Variants in ALDH3B1 observed in about 807,000 individuals in gnomAD.
ALDH3B1 encodes aldehyde dehydrogenase family 3 member B1.
A neutral mutation model predicts 46.2 loss-of-function variants in ALDH3B1; 37 were observed. That is an observed-to-expected ratio of 0.80 (90% confidence interval 0.62 to 1.05). The LOEUF (loss-of-function observed/expected upper bound fraction) is 1.05, where lower values mean the gene tolerates loss of function less well. Ranked by LOEUF, ALDH3B1 falls within the 50% of genes least tolerant of loss-of-function variation. The probability of loss-of-function intolerance (pLI) is 0.00; values close to 1 mark genes in which losing one functional copy is unlikely to be tolerated. For synonymous variants in ALDH3B1, 283 were observed against 281.0 expected, an observed-to-expected ratio of 1.01 and a Z score of -0.07; for missense variants, 603 against 665.5, an observed-to-expected ratio of 0.91 and a Z score of 1.03.
rs373528981 is a variant in ALDH3B1, at chr11:68,027,864, G to A, written c.1332G>A (p.Pro444=). The stretch of plus-strand genomic sequence containing the variant: ...AGAAGCTCAACGCCCTCCGCTACCC[G>A]CCGCAATCGCCGCGCCGCCTGAGGA... The part of the protein sequence containing the change: ...GMEKLNALRY[P]PQSPRRLRML... Residue 444 remains proline, a synonymous_variant, in exon 10 of 10, where the codon CCG becomes CCA. Coordinates refer to ENST00000342456, the MANE Select transcript of ALDH3B1 (RefSeq NM_000694.4). 6.4e-6 allele frequency: 10 copies of A among 1,560,480 alleles called. No homozygotes were observed. Among genetic ancestry groups the A allele is most frequent in the East Asian group, 2.4e-5 (1 of 41,738 alleles).
chr11:68,024,855 G>A (rs755216689), intron 8 of ALDH3B1: 2 of 152,206 alleles, frequency 1.3e-5, no homozygotes, highest in South Asian at 2.1e-4. Context: ...TCCAGGGGCT[G>A]TAATCCAAGG....
rs1857500427 is a variant in ALDH3B1, at chr11:68,021,684, T to A, written c.762T>A (p.Pro254=). ...CCCCCGACTACGTCCTATGCAGCCC[T>A]GAGATGCAGGAGAGGCTGCTGCCTG... ...CVAPDYVLCS[P]EMQERLLPAL... Residue 254 remains proline (P), a synonymous_variant, in exon 7 of 10, where the codon CCT becomes CCA. Coordinates refer to ENST00000342456, the MANE Select transcript of ALDH3B1 (RefSeq NM_000694.4). The A allele has an allele frequency of 6.2e-7, 1 of 1,613,686 alleles. No homozygotes were observed. The highest frequency in any genetic ancestry group is 1.7e-5 in the Admixed American group (1 of 59,962).
rs763868385 is a variant in ALDH3B1, at chr11:68,022,632, T to G, written c.987T>G (p.Pro329=). Residue 329 remains proline, a synonymous_variant, in exon 8 of 10, where the codon CCT becomes CCG. Coordinates refer to ENST00000342456, the MANE Select transcript of ALDH3B1 (RefSeq NM_000694.4). ...TGGTGGATGTGCAGGAGATGGAGCC[T>G]GTGATGCAGGAGGAGATCTTCGGGC... The part of the protein sequence containing the change: ...TVLVDVQEME[P]VMQEEIFGPI... The G allele has an allele frequency of 1.2e-5, 20 of 1,613,998 alleles. No individual in the cohort carries two copies. The highest frequency in any genetic ancestry group is 1.6e-5 in the Non-Finnish European group (19 of 1,179,994).
In ALDH3B1 at chr11:68,018,466, C is replaced by T. The variant is rs1857402308; in HGVS notation, c.163-61C>T. 4.6e-6 allele frequency: 6 copies of T among 1,290,556 alleles called. No homozygotes were observed. In the East Asian group the frequency reaches 1.5e-4, roughly 33 times the overall value. The allele number at this position is 1,290,556 out of a possible 1,614,324, so 79.9% of individuals were successfully genotyped here. A position where few individuals can be genotyped will look rare whatever the true frequency, so the allele number is the denominator to read the frequency against. On this transcript the variant is annotated intron_variant, in intron 2 of 9. Transcript: ENST00000342456. ...GGAAGCAGGCCCTGCCTGGAGGAGGCTGTGCCCTCCTGCCAACTCTGGGAA... is the reference window on the plus strand; with the variant it reads ...GGAAGCAGGCCCTGCCTGGAGGAGGTTGTGCCCTCCTGCCAACTCTGGGAA...
intron 1 of ALDH3B1, among the ~76,000 whole-genome samples, chr11:68,012,754 T>G (rs1857259953): frequency 6.6e-6 from 1 of 151,916 alleles, no homozygotes; most frequent in African/African-American, 2.4e-5. Flanking sequence ...CCAGTGTCCC[T>G]TCCCCCAAGG....
rs772355418 is a variant in ALDH3B1, at chr11:68,019,194, C to T, written c.419C>T (p.Ser140Leu). 10 of 1,613,298 alleles carry T rather than the reference C, an allele frequency of 6.2e-6. No homozygotes were observed. The highest frequency in any genetic ancestry group is 2.2e-5 in the South Asian group (2 of 90,866). The change falls in exon 5 of 10, where the codon TCG becomes TTG. Residue 140 changes from serine to leucine, a missense_variant. Physicochemically the swap from Ser to Leu is moderately radical, Grantham distance 145. Transcript: ENST00000342456. Reference protein sequence around the residue: ...AAGNCVVLKPSEISKNVEKIL... With the variant: ...AAGNCVVLKPLEISKNVEKIL... The stretch of plus-strand genomic sequence containing the variant: ...GGGAACTGTGTGGTGCTGAAGCCAT[C>T]GGAGATTAGCAAGAACGTCGAGAAG...
At position 68,026,093 on chromosome 11, in the gene ALDH3B1, C is replaced by T. The variant is rs1460708960; in HGVS notation, c.1201C>T (p.Pro401Ser). ...CATGCACATGACCCTGGCCAGCCTG[C>T]CTTTTGGAGGAGTGGGTAGGTGCCT... ...GFMHMTLASL[P>S]FGGVGASGMG... Residue 401 changes from proline (P) to serine (S), a missense_variant, in exon 9 of 10, where the codon CCT becomes TCT. Physicochemically the swap from Pro to Ser is moderately conservative, Grantham distance 74. Transcript: ENST00000342456. The T allele has an allele frequency of 1.2e-6, 2 of 1,604,444 alleles. No individual in the cohort carries two copies. The highest frequency in any genetic ancestry group is 1.7e-6 in the Non-Finnish European group (2 of 1,175,584).
At position 68,015,322 on chromosome 11, in the gene ALDH3B1, C is replaced by G. The variant is rs147445707; in HGVS notation, c.25C>G (p.Arg9Gly). MDPLGDTL[R>G]RLREAFHAGR... ...GATGGACCCCCTTGGGGACACGCTG[C>G]GGCGACTGCGGGAGGCCTTCCACGC... is the stretch of plus-strand genomic sequence containing the variant. Residue 9 changes from arginine (R) to glycine (G), a missense_variant, in exon 2 of 10, where the codon CGG becomes GGG. Physicochemically the swap from Arg to Gly is moderately radical, Grantham distance 125. Coordinates refer to ENST00000342456, the MANE Select transcript of ALDH3B1 (RefSeq NM_000694.4). 6.6e-7 allele frequency: 1 copy of G among 1,512,062 alleles called. No individual in the cohort carries two copies. Among genetic ancestry groups the G allele is most frequent in the South Asian group, 1.3e-5 (1 of 78,154 alleles). The allele number at this position is 1,512,062 out of a possible 1,614,324, so 93.7% of individuals were successfully genotyped here.
At chr11:68,026,521 C>T (rs573953875) in intron 9 of ALDH3B1, among the ~76,000 whole-genome samples, 1 of 152,220 alleles carries the variant, frequency 6.6e-6, no homozygotes, top group East Asian at 1.9e-4. Flanking sequence ...CCCATCCCCC[C>T]TCCAGCTCTC....
chr11:68,013,153 G>A (rs1033978541), intron 1 of ALDH3B1, among the ~76,000 whole-genome samples: 16 of 152,120 alleles, frequency 1.1e-4, no homozygotes, highest in African/African-American at 3.1e-4. Flanking sequence ...GGCAGAAGGC[G>A]GCCTTGGCTT....
At chr11:68,025,667 C>T (rs1470223114) in intron 8 of ALDH3B1, among the ~76,000 whole-genome samples, 2 of 152,164 alleles carry the variant, frequency 1.3e-5, no homozygotes, top group African/African-American at 4.8e-5. Flanking sequence ...TGGGATGCCT[C>T]CCTACTGTCC....
At chr11:68,013,630 T>C (rs1346188865) in intron 1 of ALDH3B1, among the ~76,000 whole-genome samples, 1 of 152,228 alleles carries the variant, frequency 6.6e-6, no homozygotes, top group Non-Finnish European at 1.5e-5. Context: ...TGTCATTTAA[T>C]CCTCACAATG....
chr11:68,013,996 C>T (rs757109542), intron 1 of ALDH3B1, among the ~76,000 whole-genome samples: 2 of 152,214 alleles, frequency 1.3e-5, no homozygotes, highest in Non-Finnish European at 2.9e-5. Context: ...TCCTGCAGAC[C>T]GGAGCAGGTC....
chr11:68,021,376 G>A, intron 6 of ALDH3B1, 109 bp from the exon 7 acceptor site: 1 of 1,486,348 alleles, frequency 6.7e-7, no homozygotes, highest in Non-Finnish European at 9.0e-7. Flanking sequence ...GGCGAGGGCT[G>A]CTGCCCGCTG....
intron 1 of ALDH3B1, among the ~76,000 whole-genome samples, chr11:68,011,398 G>T (rs1269621006): frequency 1.3e-5 from 2 of 152,286 alleles, no homozygotes; most frequent in South Asian, 4.1e-4. Context: ...CCTGCTTCCC[G>T]GAGAAACTGG....
chr11:68,016,173 T>C (rs928848779), intron 2 of ALDH3B1: 2 of 153,126 alleles, frequency 1.3e-5, no homozygotes, highest in African/African-American at 2.4e-5. Context: ...CAGGGTGCTG[T>C]TGTATATGTG....
chr11:68,018,983 G>A (rs1005807745), intron 4 of ALDH3B1, 90 bp downstream of exon 4: 7 of 1,492,318 alleles, frequency 4.7e-6, no homozygotes, highest in Non-Finnish European at 6.2e-6. Flanking sequence ...GGGAGAACTG[G>A]CCCAGGTGGC....
intron 1 of ALDH3B1, among the ~76,000 whole-genome samples, chr11:68,011,219 T>C (rs1449289449): frequency 6.6e-6 from 1 of 152,220 alleles, no homozygotes; most frequent in African/African-American, 2.4e-5. Context: ...CACCAGGCAG[T>C]GGCAGAGCAG....
At chr11:68,026,791 C>A in intron 9 of ALDH3B1, among the ~76,000 whole-genome samples, 1 of 152,348 alleles carries the variant, frequency 6.6e-6, no homozygotes, top group East Asian at 1.9e-4. Context: ...TGAACGATGG[C>A]AGGGCCAGGC....
Sources: allele counts gnomAD v4.1 joint callset (sites outside exome capture counted in the v4.1 genomes callset), GRCh38; gene constraint gnomAD v4.1.1; transcripts MANE v1.5; gene names NCBI Gene and HGNC (gene_info 2026-07-23, HGNC 2026-07-21).